EFCAB6: variants seen among roughly 807,000 people sequenced by gnomAD.
EFCAB6 encodes the protein EF-hand calcium-binding domain-containing protein 6.
EFCAB6 carries 156 observed loss-of-function variants against 169.8 expected under a neutral mutation model. That is an observed-to-expected ratio of 0.92 (90% CI 0.81 to 1.05). The LOEUF (loss-of-function observed/expected upper bound fraction) is 1.05. EFCAB6 is among the 50% of genes least tolerant of loss of function. The pLI, the probability that EFCAB6 is intolerant of heterozygous loss-of-function variation, is 0.00. For synonymous variants in EFCAB6, 698 were observed against 676.4 expected (o/e 1.03, Z -0.50); for missense variants, 1,800 against 1,829.1 (o/e 0.98, Z 0.29).
At chr22:43,738,503 TCA>T (rs1437807444) in intron 6 of EFCAB6, among the ~76,000 whole-genome samples, 4 of 143,786 alleles carry the variant, frequency 2.8e-5, no homozygotes, top group African/African-American at 5.4e-5. Context: ...GCACATATAC[TCA>T]CACACACCAT....
intron 8 of EFCAB6, among the ~76,000 whole-genome samples, chr22:43,719,076 T>C (rs927759194): frequency 1.2e-4 from 19 of 152,116 alleles, no homozygotes; most frequent in African/African-American, 4.6e-4. Context: ...ATGTCTGGCT[T>C]GGAAGGGTGG....
chr22:43,726,111 T>C (rs1403648953), intron 8 of EFCAB6, among the ~76,000 whole-genome samples: 4 of 151,922 alleles, frequency 2.6e-5, no homozygotes, highest in Non-Finnish European at 4.4e-5. Context: ...CATTTAGGCA[T>C]TGGGGATACA....
chr22:43,787,598 A>G (rs936367868), intron 2 of EFCAB6, among the ~76,000 whole-genome samples: 4 of 152,180 alleles, frequency 2.6e-5, no homozygotes, highest in Admixed American at 6.5e-5. Flanking sequence ...TATTGTTGAA[A>G]GTAGACCTGA....
intron 21 of EFCAB6, among the ~76,000 whole-genome samples, chr22:43,614,282 G>C (rs1292722160): frequency 6.7e-6 from 1 of 149,124 alleles, no homozygotes; most frequent in Non-Finnish European, 1.5e-5. Flanking sequence ...TTAAAGAAAA[G>C]ACAAGTAGAC....
In EFCAB6 at chr22:43,632,114, C is replaced by T; in HGVS notation, c.2223G>A (p.Glu741=). The T allele has an allele frequency of 6.2e-7, 1 of 1,613,938 alleles. No homozygotes were observed. Among genetic ancestry groups the T allele is most frequent in the Non-Finnish European group, 8.5e-7 (1 of 1,179,922 alleles). ...CLKLFPRRLK[E]SFRDPYSAFF... is the part of the protein sequence containing the mutation. The stretch of plus-strand genomic sequence containing the variant: ...GACAGTCACGGTTTACCCGGAATGA[C>T]TCCTTCAGCCTCCTAGGGAAAAGCT... Residue 741 remains glutamate (E), a synonymous_variant, in exon 19 of 32, where the codon GAG becomes GAA. Transcript: ENST00000262726.
chr22:43,597,306 C>T (rs141629292), intron 23 of EFCAB6, among the ~76,000 whole-genome samples: 1 of 152,152 alleles, frequency 6.6e-6, no homozygotes, highest in Non-Finnish European at 1.5e-5. Flanking sequence ...AGTGAAGAGA[C>T]AGCCTACTGA....
chr22:43,622,924 G>T (rs1569265519), intron 20 of EFCAB6, among the ~76,000 whole-genome samples: 2 of 152,194 alleles, frequency 1.3e-5, no homozygotes, highest in South Asian at 4.1e-4. Flanking sequence ...CATGCTCGGG[G>T]TGTTGTGTTA....
intron 17 of EFCAB6, 76 bp downstream of exon 17, chr22:43,667,028 T>C: frequency 2.0e-6 from 3 of 1,500,360 alleles, no homozygotes; most frequent in Non-Finnish European, 1.8e-6. Flanking sequence ...TAAGCCATTG[T>C]CCTTTAAAGT....
chr22:43,622,510 G>A (rs1016198283), intron 20 of EFCAB6, among the ~76,000 whole-genome samples: 5 of 152,190 alleles, frequency 3.3e-5, no homozygotes, highest in African/African-American at 9.7e-5. Context: ...AGGTTGCAGT[G>A]AGCTGAGATG....
intron 26 of EFCAB6, among the ~76,000 whole-genome samples, chr22:43,571,160 C>A (rs2049849866): frequency 6.6e-6 from 1 of 152,166 alleles, no homozygotes; most frequent in African/African-American, 2.4e-5. Flanking sequence ...TTTTGGAAGA[C>A]AGATTTGATG....
intron 3 of EFCAB6, among the ~76,000 whole-genome samples, chr22:43,777,896 A>C (rs2061691195): frequency 6.6e-6 from 1 of 152,232 alleles, no homozygotes; most frequent in South Asian, 2.1e-4. Flanking sequence ...TGCTGGTGGG[A>C]GTACAAATTG....
At chr22:43,706,980 A>G (rs2058983045) in intron 10 of EFCAB6, among the ~76,000 whole-genome samples, 1 of 152,258 alleles carries the variant, frequency 6.6e-6, no homozygotes, top group Admixed American at 6.5e-5. Context: ...AGGGAAATCC[A>G]TAGGTATTAG....
intron 17 of EFCAB6, among the ~76,000 whole-genome samples, chr22:43,650,025 T>C (rs1023540223): frequency 6.6e-6 from 1 of 152,200 alleles, no homozygotes; most frequent in African/African-American, 2.4e-5. Context: ...CCAAAGTATT[T>C]GGTGAATTCT....
chr22:43,537,688 ATGG>A lies in EFCAB6; in HGVS notation c.3880-146_3880-144del. 1.9e-6 allele frequency: 2 copies of A among 1,026,430 alleles called. No individual in the cohort carries two copies. The highest frequency in any genetic ancestry group is 3.7e-5 in the South Asian group (2 of 53,578). 63.6% of individuals were successfully genotyped at this position (1,026,430 alleles called of 1,614,324 possible). ...AAATAAAATGAAGAATAAAACATAGATGGTGATTTTACAATGTAGCTTTTATTT... is the reference window on the plus strand; with the variant it reads ...AAATAAAATGAAGAATAAAACATAGATGATTTTACAATGTAGCTTTTATTT... On this transcript the variant is annotated intron_variant, in intron 28 of 31. Coordinates refer to ENST00000262726, the MANE Select transcript of EFCAB6 (RefSeq NM_022785.4). The surrounding 1 kb of genome is among the most constrained non-coding windows in gnomAD (Gnocchi z 4.3).
rs771360780 is a variant in EFCAB6 at position 43,554,938 on chromosome 22, C to T, written c.3579G>A (p.Thr1193=). 2.1e-5 allele frequency: 34 copies of T among 1,613,972 alleles called. No homozygotes were observed. In the South Asian group the frequency reaches 3.2e-4, roughly 15 times the overall value. The part of the protein sequence containing the change: ...QEFENFDTMK[T]NTISREEFRA... ...TAAACTCCTCTCTGGAGATGGTGTT[C>T]GTTTTCATGGTGTCAAAATTCTCAA... is the stretch of plus-strand genomic sequence containing the variant. Residue 1193 remains threonine, a synonymous_variant, in exon 27 of 32, where the codon ACG becomes ACA. Coordinates refer to ENST00000262726, the MANE Select transcript of EFCAB6 (RefSeq NM_022785.4).
chr22:43,801,654 G>C (rs985615124), intron 2 of EFCAB6, among the ~76,000 whole-genome samples: 11 of 152,072 alleles, frequency 7.2e-5, no homozygotes, highest in Non-Finnish European at 1.5e-4. Context: ...GACCTAAGAT[G>C]AGCTGTCATC....
chr22:43,710,159 G>C (rs2059110513), intron 10 of EFCAB6, among the ~76,000 whole-genome samples: 1 of 152,198 alleles, frequency 6.6e-6, no homozygotes, highest in African/African-American at 2.4e-5. Context: ...AACCTAGATT[G>C]TGGTCTACAT....
At chr22:43,703,016 A>G (rs1381122022) in intron 10 of EFCAB6, among the ~76,000 whole-genome samples, 1 of 152,176 alleles carries the variant, frequency 6.6e-6, no homozygotes, top group Non-Finnish European at 1.5e-5. Context: ...GGCAAACGTG[A>G]ACTGTGCATT....
chr22:43,720,483 GC>G (rs1190661125), intron 8 of EFCAB6, among the ~76,000 whole-genome samples: 1 of 152,092 alleles, frequency 6.6e-6, no homozygotes, highest in Non-Finnish European at 1.5e-5. Context: ...TTGCGCTCCA[GC>G]CTGGGTGACA....
Sources: gnomAD v4.1 joint callset for allele counts (sites outside exome capture counted in the v4.1 genomes callset) on GRCh38, gnomAD v4.1.1 for gene constraint, Gnocchi (gnomAD v3.1) non-coding constraint, MANE v1.5 for transcripts, NCBI Gene and HGNC (gene_info 2026-07-23, HGNC 2026-07-21) for gene names.